The following CACNA1C variants were observed in gnomAD, a reference collection of about 807,000 sequenced individuals.
The protein encoded by CACNA1C is voltage-dependent L-type calcium channel subunit alpha-1C.
A neutral mutation model predicts 229.0 loss-of-function variants in CACNA1C; 30 were observed. The ratio of observed to expected loss-of-function variants is 0.13; its 90% CI spans 0.10 to 0.18. The LOEUF is 0.18. CACNA1C is among the 10% of genes least tolerant of loss of function. CACNA1C has a pLI of 1.00. For missense variants in CACNA1C, 1,658 were observed against 2,845.0 expected, an observed-to-expected ratio of 0.58 and a Z score of 9.49; for synonymous variants, 1,114 against 1,132.5, an observed-to-expected ratio of 0.98 and a Z score of 0.33.
intron 1 of CACNA1C, chr12:2,004,182 A>C (rs7298333): frequency 0.45 from 690,753 of 1,524,088 alleles, 157,259 homozygotes; most frequent in East Asian, 0.52. Flanking sequence ...CCAGGGCGTC[A>C]ACGTCTCCTC....
At chr12:2,491,277 C>T (rs1192886081) in intron 6 of CACNA1C, among the ~76,000 whole-genome samples, 1 of 151,982 alleles carries the variant, frequency 6.6e-6, no homozygotes, top group South Asian at 2.1e-4. Context: ...GAGTGATGGC[C>T]GTGCTTTAAA....
intron 3 of CACNA1C, chr12:2,288,602 G>A (rs574722833): frequency 4.6e-5 from 7 of 152,426 alleles, no homozygotes; most frequent in South Asian, 2.1e-4. Flanking sequence ...CTGAGAAGGT[G>A]CCCTTGCATT....
chr12:2,315,336 C>T (rs529471152), intron 3 of CACNA1C, among the ~76,000 whole-genome samples: 5 of 152,272 alleles, frequency 3.3e-5, no homozygotes, highest in South Asian at 4.1e-4. Context: ...AATCTGGGCA[C>T]GAGAGAGAGA....
intron 3 of CACNA1C, among the ~76,000 whole-genome samples, chr12:2,171,708 G>A (rs537332856): frequency 6.6e-6 from 1 of 152,134 alleles, no homozygotes; most frequent in Admixed American, 6.5e-5. Context: ...AGGAAGAGAG[G>A]GAAAAATGAA....
At chr12:2,513,675 G>C (rs2099789959) in intron 9 of CACNA1C, among the ~76,000 whole-genome samples, 1 of 152,216 alleles carries the variant, frequency 6.6e-6, no homozygotes, top group African/African-American at 2.4e-5. Context: ...AAAAATGACG[G>C]ATCATGAAAA....
At chr12:2,154,089 G>T (rs1409491560) in intron 3 of CACNA1C, among the ~76,000 whole-genome samples, 1 of 152,114 alleles carries the variant, frequency 6.6e-6, no homozygotes, top group Non-Finnish European at 1.5e-5. Flanking sequence ...GTGATTTCCT[G>T]TATGAAATTC....
chr12:2,648,597 G>T, intron 31 of CACNA1C, 90 bp downstream of exon 31: 2 of 1,183,610 alleles, frequency 1.7e-6, no homozygotes, highest in African/African-American at 1.5e-5. Flanking sequence ...GAGTCCCTGG[G>T]AGCCCTGCCT....
chr12:2,105,037 G>A (rs992949590), intron 1 of CACNA1C, among the ~76,000 whole-genome samples: 5 of 152,198 alleles, frequency 3.3e-5, no homozygotes, highest in Non-Finnish European at 5.9e-5. Flanking sequence ...AGCAGTGTTG[G>A]CCTTGTGGTC....
At chr12:2,166,267 G>A (rs1477407048) in intron 3 of CACNA1C, among the ~76,000 whole-genome samples, 1 of 152,192 alleles carries the variant, frequency 6.6e-6, no homozygotes, top group Non-Finnish European at 1.5e-5. Context: ...GGAACAGAGA[G>A]AGGCCTCTAC....
At chr12:2,224,803 T>C (rs1045538567) in intron 3 of CACNA1C, among the ~76,000 whole-genome samples, 12 of 152,194 alleles carry the variant, frequency 7.9e-5, no homozygotes, top group Admixed American at 2.0e-4. Context: ...ACTGTGCTAT[T>C]GCCATCATTG....
intron 3 of CACNA1C, among the ~76,000 whole-genome samples, chr12:2,142,877 A>C (rs1340187320): frequency 1.3e-5 from 2 of 151,474 alleles, no homozygotes; most frequent in African/African-American, 2.4e-5. Context: ...GTGTTATTAC[A>C]AAAGAGTCAA....
Position 2,390,051 on chromosome 12 carries a change from T to C in CACNA1C, c.478-58925T>C, listed in dbSNP as rs753077. ...TCATAGAGTCGTTGCACCTTACTAC[T>C]GAATAGAAGTTGAGGGGTTATTTGA... On this transcript the variant is annotated intron_variant, in intron 3 of 46. Transcript: ENST00000399655. 6.3e-3 allele frequency among the ~76,000 whole-genome samples: 964 copies of C among 152,346 alleles called. 71 individuals carry two copies. In the East Asian group the frequency reaches 0.16, roughly 25 times the overall value.
chr12:2,284,634 C>A (rs1354423236), intron 3 of CACNA1C, among the ~76,000 whole-genome samples: 1 of 152,256 alleles, frequency 6.6e-6, no homozygotes, highest in African/African-American at 2.4e-5. Context: ...CAGACACGCA[C>A]ACATGTAAAT....
chr12:2,438,476 G>A (rs971966753), intron 3 of CACNA1C, among the ~76,000 whole-genome samples: 2 of 151,996 alleles, frequency 1.3e-5, no homozygotes, highest in Admixed American at 1.3e-4. Flanking sequence ...GTCCAGAGCA[G>A]GGTGGCCACT....
At chr12:2,127,222 C>T (rs950351714) in intron 3 of CACNA1C, among the ~76,000 whole-genome samples, 1 of 152,170 alleles carries the variant, frequency 6.6e-6, no homozygotes. Flanking sequence ...AATCACCCGA[C>T]ATGGGGCCCT....
At chr12:2,400,738 C>T (rs1328864711) in intron 3 of CACNA1C, among the ~76,000 whole-genome samples, 1 of 152,282 alleles carries the variant, frequency 6.6e-6, no homozygotes, top group East Asian at 1.9e-4. Flanking sequence ...TCAGGGGCCC[C>T]ATCTGGCCTG....
intron 15 of CACNA1C, among the ~76,000 whole-genome samples, chr12:2,583,528 C>T (rs1023995058): frequency 6.6e-6 from 1 of 152,144 alleles, no homozygotes; most frequent in African/African-American, 2.4e-5. Context: ...CTCATAACCC[C>T]GAGAGAGTCA....
chr12:2,249,857 G>A (rs1014126672), intron 3 of CACNA1C, among the ~76,000 whole-genome samples: 2 of 148,908 alleles, frequency 1.3e-5, no homozygotes, highest in African/African-American at 5.0e-5. Flanking sequence ...TGCAAGCGCC[G>A]CCTCCCAGGT....
At position 2,169,785 on chromosome 12, in the gene CACNA1C, C is replaced by T. The variant is rs546644151; in HGVS notation, c.477+49355C>T. ...AGTGTGTCTCCTGCCTCCTTGACTCCGGGCCTGAAGTTTCTGCCATTGATG... is the reference window on the plus strand; with the variant it reads ...AGTGTGTCTCCTGCCTCCTTGACTCTGGGCCTGAAGTTTCTGCCATTGATG... On this transcript the variant is annotated intron_variant, in intron 3 of 46. Coordinates refer to ENST00000399655, the MANE Select transcript of CACNA1C (RefSeq NM_000719.7). Among the ~76,000 whole-genome samples, 140 of 152,268 alleles carry T rather than the reference C, an allele frequency of 9.2e-4. No individual in the cohort carries two copies. The South Asian group carries it at 0.016, about 17-fold the overall frequency.
Sources: gnomAD v4.1 joint callset for allele counts (sites outside exome capture counted in the v4.1 genomes callset) on GRCh38, gnomAD v4.1.1 for gene constraint, MANE v1.5 for transcripts, NCBI Gene and HGNC (gene_info 2026-07-23, HGNC 2026-07-21) for gene names.